The following CADM4 variants were observed in gnomAD, a reference collection of about 807,000 sequenced individuals.
CADM4 encodes the protein cell adhesion molecule 4.
A neutral mutation model predicts 43.9 loss-of-function variants in CADM4; 13 were observed. That is an observed-to-expected ratio of 0.30 (90% confidence interval 0.19 to 0.47). The LOEUF (loss-of-function observed/expected upper bound fraction) is 0.47. CADM4 is among the 20% of genes least tolerant of loss of function. The pLI is 1.00. For missense variants in CADM4, 420 were observed against 527.0 expected (o/e 0.80, Z 1.99); for synonymous variants, 209 against 220.9 (o/e 0.95, Z 0.48).
rs1434976099 is a variant in CADM4, at chr19:43,626,056, G to A, written c.665-55C>T. On this transcript the variant is annotated intron_variant, in intron 5 of 8. Transcript: ENST00000222374. This position sits in a 1 kb window ranked among gnomAD's most constrained non-coding sequence, Gnocchi z 5.9. ...GTTTCCAAGCCATCACGCAGGACAA[G>A]GGGGACCCTCGCGGGTGCGGGTGGC... The A allele has an allele frequency of 6.2e-7, 1 of 1,612,842 alleles. No homozygotes were observed. The highest frequency in any genetic ancestry group is 8.5e-7 in the Non-Finnish European group (1 of 1,179,228).
chr19:43,626,310 C>G lies in CADM4; in HGVS notation c.500-22G>C, dbSNP rs201809571. On this transcript the variant is annotated intron_variant, in intron 4 of 8. Transcript: ENST00000222374. This position sits in a 1 kb window ranked among gnomAD's most constrained non-coding sequence, Gnocchi z 5.9. The stretch of plus-strand genomic sequence containing the variant: ...ACTCCTGCCACACCCCGGTCAGACA[C>G]TGTCAGGCCACAATTCCGGCTCCAT... The G allele has an allele frequency of 6.2e-7, 1 of 1,605,432 alleles. No homozygotes were observed. The highest frequency in any genetic ancestry group is 1.3e-5 in the African/African-American group (1 of 74,938).
At position 43,639,785 on chromosome 19, in the gene CADM4, G is replaced by A; in HGVS notation, c.6C>T (p.Gly2=). 1 of 1,009,084 alleles carries A rather than the reference G, an allele frequency of 9.9e-7. No homozygotes were observed. Among genetic ancestry groups the A allele is most frequent in the South Asian group, 3.9e-5 (1 of 25,648 alleles). 62.5% of individuals were successfully genotyped at this position (1,009,084 alleles called of 1,614,324 possible). A position where few individuals can be genotyped will look rare whatever the true frequency, so the allele number is the denominator to read the frequency against. M[G]RARRFQWPLL... ...GCGGCCACTGGAAGCGCCGGGCCCG[G>A]CCCATGGTGCCGCCGCCGCCGCCGC... The change falls in exon 1 of 9, where the codon GGC becomes GGT. Residue 2 remains glycine, a synonymous_variant. Coordinates refer to ENST00000222374, the MANE Select transcript of CADM4 (RefSeq NM_145296.2).
intron 1 of CADM4, 125 bp downstream of exon 1, chr19:43,639,602 G>A (rs1973746192): frequency 3.8e-6 from 2 of 532,052 alleles, no homozygotes; most frequent in South Asian, 1.6e-4. Context: ...GCTTTGTCCC[G>A]GGGAGGGGGC....
At chr19:43,628,649 G>A (rs1428239716) in intron 1 of CADM4, among the ~76,000 whole-genome samples, 2 of 152,154 alleles carry the variant, frequency 1.3e-5, no homozygotes, top group Non-Finnish European at 2.9e-5. Flanking sequence ...TACTAGTCTG[G>A]GTAAGCCTTG....
rs1474187969 is a variant in CADM4, at chr19:43,626,914, G to A, written c.369C>T (p.Ala123=). Reference sequence around the variant, plus strand: ...GGACCTCCACCACAGGATTCTCTGGGGCCACTGCCGCAGGGAGAAGGGAAG... The same window carrying A: ...GGACCTCCACCACAGGATTCTCTGGAGCCACTGCCGCAGGGAGAAGGGAAG... ...HQIATLTVLV[A]PENPVVEVRE... The change falls in exon 4 of 9, where the codon GCC becomes GCT. Residue 123 remains alanine, a synonymous_variant. Coordinates refer to ENST00000222374, the MANE Select transcript of CADM4 (RefSeq NM_145296.2). This position sits in a 1 kb window ranked among gnomAD's most constrained non-coding sequence, Gnocchi z 5.9. 8 of 1,597,464 alleles carry A rather than the reference G, an allele frequency of 5.0e-6. No homozygotes were observed. Among genetic ancestry groups the A allele is most frequent in the Non-Finnish European group, 6.8e-6 (8 of 1,172,990 alleles).
intron 1 of CADM4, among the ~76,000 whole-genome samples, chr19:43,633,920 T>C (rs1973665665): frequency 6.6e-6 from 1 of 151,812 alleles, no homozygotes. Context: ...GGTCTTGAAC[T>C]CCTAGGCTCA....
At chr19:43,624,927 G>T in intron 7 of CADM4, 151 bp downstream of exon 7, 1 of 811,786 alleles carries the variant, frequency 1.2e-6, no homozygotes, top group Non-Finnish European at 1.9e-6. Context: ...CAGCCAACCC[G>T]AATTTGAGCC....
chr19:43,625,086 A>G lies in CADM4; in HGVS notation c.920T>C (p.Val307Ala), dbSNP rs2146135612. The change falls in exon 7 of 9, where the codon GTG (valine) becomes GCG (alanine). Residue 307 changes from valine (V) to alanine (A), a missense_variant. Physicochemically the swap from Val to Ala is moderately conservative, Grantham distance 64 (BLOSUM62 0). Transcript: ENST00000222374. The surrounding 1 kb of genome is among the most constrained non-coding windows in gnomAD (Gnocchi z 4.5). ...HGHARALYVL[V>A]VYDPGAVVEA... Reference sequence around the variant, plus strand: ...CCGCAGCCTGCTCTCACCGTAGACCACAAGTACGTAGAGCGCCCTCGCATG... The same window carrying G: ...CCGCAGCCTGCTCTCACCGTAGACCGCAAGTACGTAGAGCGCCCTCGCATG... The G allele has an allele frequency of 3.6e-6, 5 of 1,385,154 alleles. No homozygotes were observed. Among genetic ancestry groups the G allele is most frequent in the South Asian group, 1.1e-5 (1 of 87,406 alleles). 85.8% of individuals were successfully genotyped at this position (1,385,154 alleles called of 1,614,324 possible). A position where few individuals can be genotyped will look rare whatever the true frequency, so the allele number is the denominator to read the frequency against.
chr19:43,623,281 G>C lies in CADM4; in HGVS notation c.*49C>G, dbSNP rs768266822. 5.0e-6 allele frequency: 7 copies of C among 1,401,118 alleles called. No individual in the cohort carries two copies. The Admixed American group carries it at 1.2e-4, about 24-fold the overall frequency. The allele number at this position is 1,401,118 out of a possible 1,614,324, so 86.8% of individuals were successfully genotyped here. ...TGCTGGTTCCTTGCAGCTGGCAGTG[G>C]GGGGGACCCCAGCCCAGGCCCAGGC... On this transcript the variant is annotated 3_prime_UTR_variant, in exon 9 of 9. Coordinates refer to ENST00000222374, the MANE Select transcript of CADM4 (RefSeq NM_145296.2). The surrounding 1 kb of genome is among the most constrained non-coding windows in gnomAD (Gnocchi z 4.4).
Position 43,627,120 on chromosome 19 carries a change from A to G in CADM4, c.364+46T>C, listed in dbSNP as rs1341185749. On this transcript the variant is annotated intron_variant, in intron 3 of 8. Coordinates refer to ENST00000222374, the MANE Select transcript of CADM4 (RefSeq NM_145296.2). The surrounding 1 kb of genome is among the most constrained non-coding windows in gnomAD (Gnocchi z 4.0). ...AAGTCTCAGGAGAAGAGAGAAGCAGAGAAGAAAGGAGGAGAGGATGCGTCT... is the reference window on the plus strand; with the variant it reads ...AAGTCTCAGGAGAAGAGAGAAGCAGGGAAGAAAGGAGGAGAGGATGCGTCT... 1 of 1,521,274 alleles carries G rather than the reference A, an allele frequency of 6.6e-7. No individual in the cohort carries two copies. Among genetic ancestry groups the G allele is most frequent in the Non-Finnish European group, 8.8e-7 (1 of 1,130,902 alleles). 94.2% of individuals were successfully genotyped at this position (1,521,274 alleles called of 1,614,324 possible).
rs965880093 is a variant in CADM4 at position 43,622,626 on chromosome 19, G to T, written c.*704C>A. 2 of 151,962 alleles carry T rather than the reference G, an allele frequency of 1.3e-5. No individual in the cohort carries two copies. The highest frequency in any genetic ancestry group is 4.9e-5 in the African/African-American group (2 of 41,170). The allele number at this position is 151,962 out of a possible 1,614,324, so 9.4% of individuals were successfully genotyped here. The stretch of plus-strand genomic sequence containing the variant: ...TCCCCAAACTCCTTTCCCCCTCCCC[G>T]GGGGGCCTGGAGGAGAGATGGGGAA... On this transcript the variant is annotated 3_prime_UTR_variant, in exon 9 of 9. Transcript: ENST00000222374.
upstream of CADM4, among the ~76,000 whole-genome samples, chr19:43,640,396 G>A (rs999987705): frequency 1.3e-5 from 2 of 151,818 alleles, no homozygotes; most frequent in Non-Finnish European, 2.9e-5. Context: ...CTGAGCCACC[G>A]GGACAGGGGA....
At chr19:43,631,940 A>G (rs1242298235) in intron 1 of CADM4, among the ~76,000 whole-genome samples, 1 of 152,014 alleles carries the variant, frequency 6.6e-6, no homozygotes, top group African/African-American at 2.4e-5. Context: ...AGGTCTCACT[A>G]TGTTGCCTAG....
Position 43,623,561 on chromosome 19 carries a change from C to T in CADM4, c.1058-122G>A, listed in dbSNP as rs535956403. ...TGCCAGGCGAAGGAAGAGGGAGAAA[C>T]GGAACACACAGGGAGAGGCAGAGAA... On this transcript the variant is annotated intron_variant, in intron 8 of 8. Coordinates refer to ENST00000222374, the MANE Select transcript of CADM4 (RefSeq NM_145296.2). The surrounding 1 kb of genome is among the most constrained non-coding windows in gnomAD (Gnocchi z 4.4). The T allele has an allele frequency of 1.2e-4, 90 of 729,626 alleles. 1 individual carries two copies. In the South Asian group the frequency reaches 1.2e-3, roughly 10 times the overall value. 45.2% of individuals were successfully genotyped at this position (729,626 alleles called of 1,614,324 possible). A position where few individuals can be genotyped will look rare whatever the true frequency, so the allele number is the denominator to read the frequency against.
chr19:43,623,388 C>G lies in CADM4; in HGVS notation c.1109G>C (p.Arg370Thr). The change falls in exon 9 of 9, where the codon AGA becomes ACA. Residue 370 changes from arginine (R) to threonine (T), a missense_variant. By Grantham distance (71) the Arg-to-Thr change is moderately conservative (BLOSUM62 -1). Coordinates refer to ENST00000222374, the MANE Select transcript of CADM4 (RefSeq NM_145296.2). This position sits in a 1 kb window ranked among gnomAD's most constrained non-coding sequence, Gnocchi z 4.4. ...GTCGCTGCCATTGAGGAAGGCTTCT[C>G]TTGCTTCTCCCTGTTCATCCAAGCC... ...ASGLDEQGEA[R>T]EAFLNGSDGH... 1.2e-6 allele frequency: 2 copies of G among 1,614,164 alleles called. No individual in the cohort carries two copies. Among genetic ancestry groups the G allele is most frequent in the Non-Finnish European group, 1.7e-6 (2 of 1,180,018 alleles).
rs371561235 is a variant in CADM4 at position 43,627,796 on chromosome 19, C to T, written c.65-6G>A. The T allele has an allele frequency of 6.2e-6, 10 of 1,603,608 alleles. No individual in the cohort carries two copies. Among genetic ancestry groups the T allele is most frequent in the African/African-American group, 5.4e-5 (4 of 74,746 alleles). ...CTGTACTTCCTGTCCTGCCCCTGGACGATTAGACAAAGAGACAGGATAGAA... is the reference window on the plus strand; with the variant it reads ...CTGTACTTCCTGTCCTGCCCCTGGATGATTAGACAAAGAGACAGGATAGAA... On this transcript the variant is annotated splice_polypyrimidine_tract_variant and splice_region_variant and intron_variant, in intron 1 of 8. Coordinates refer to ENST00000222374, the MANE Select transcript of CADM4 (RefSeq NM_145296.2). The surrounding 1 kb of genome is among the most constrained non-coding windows in gnomAD (Gnocchi z 4.0).
Position 43,626,870 on chromosome 19 carries a change from C to A in CADM4, c.413G>T (p.Gly138Val). 3 of 1,609,670 alleles carry A rather than the reference C, an allele frequency of 1.9e-6. No homozygotes were observed. Among genetic ancestry groups the A allele is most frequent in the Non-Finnish European group, 2.5e-6 (3 of 1,178,872 alleles). Residue 138 changes from glycine to valine, a missense_variant, in exon 4 of 9, where the codon GGC becomes GTC. Gly to Val is a moderately radical substitution (Grantham distance 109). Transcript: ENST00000222374. The surrounding 1 kb of genome is among the most constrained non-coding windows in gnomAD (Gnocchi z 5.9). Reference sequence around the variant, plus strand: ...GAGGCAGCTGAGCTCCACCTCGCCGCCCTCTACCGCCTGCTCCCGGACCTC... The same window carrying A: ...GAGGCAGCTGAGCTCCACCTCGCCGACCTCTACCGCCTGCTCCCGGACCTC... ...VVEVREQAVE[G>V]GEVELSCLVP...
chr19:43,624,354 G>T, intron 7 of CADM4, 112 bp from the exon 8 acceptor site: 1 of 1,351,212 alleles, frequency 7.4e-7, no homozygotes, highest in Non-Finnish European at 1.0e-6. Flanking sequence ...GCCCTTTTAT[G>T]TGCCACACCC....
chr19:43,633,194 C>T (rs537953568), intron 1 of CADM4, among the ~76,000 whole-genome samples: 1 of 152,132 alleles, frequency 6.6e-6, no homozygotes, highest in Admixed American at 6.5e-5. Flanking sequence ...CCACCTCAGC[C>T]TCCTAAGTAG....
Sources: allele counts gnomAD v4.1 joint callset (sites outside exome capture counted in the v4.1 genomes callset), GRCh38; gene constraint gnomAD v4.1.1; non-coding constraint Gnocchi (gnomAD v3.1); transcripts MANE v1.5; gene names NCBI Gene and HGNC (gene_info 2026-07-23, HGNC 2026-07-21).